Variants in ATP6V1G2 observed in about 807,000 individuals in gnomAD.
The protein encoded by ATP6V1G2 is ATPase H+ transporting V1 subunit G2.
In ATP6V1G2, 14 loss-of-function variants were observed where a neutral mutation model predicts 17.8. That is an observed-to-expected ratio of 0.79 (90% confidence interval 0.52 to 1.23). The LOEUF (loss-of-function observed/expected upper bound fraction) is 1.23. ATP6V1G2 is among the 50% of genes most tolerant of loss of function. The pLI is 0.00. For missense variants in ATP6V1G2, 112 were observed against 152.2 expected (o/e 0.74, Z 1.39); for synonymous variants, 57 against 54.8 (o/e 1.04, Z -0.17).
chr6:31,545,212 G>T lies in ATP6V1G2; in HGVS notation c.*196C>A. ...TGACTTGGAAGTTTACAAAGTCCCA[G>T]TGAGGGTTAAAGAACAACAAGGAGA... On this transcript the variant is annotated 3_prime_UTR_variant, in exon 3 of 3. Transcript: ENST00000303892. The surrounding 1 kb of genome is among the most constrained non-coding windows in gnomAD (Gnocchi z 4.9). 7.3e-6 allele frequency: 5 copies of T among 686,402 alleles called. No homozygotes were observed. The highest frequency in any genetic ancestry group is 1.2e-5 in the Non-Finnish European group (5 of 416,448). 42.5% of individuals were successfully genotyped at this position (686,402 alleles called of 1,614,324 possible). A position where few individuals can be genotyped will look rare whatever the true frequency, so the allele number is the denominator to read the frequency against.
In ATP6V1G2 at chr6:31,545,169, A is replaced by T; in HGVS notation, c.*239T>A. 1 of 585,828 alleles carries T rather than the reference A, an allele frequency of 1.7e-6. No homozygotes were observed. The highest frequency in any genetic ancestry group is 3.0e-6 in the Non-Finnish European group (1 of 337,706). 36.3% of individuals were successfully genotyped at this position (585,828 alleles called of 1,614,324 possible). On this transcript the variant is annotated 3_prime_UTR_variant, in exon 3 of 3. Transcript: ENST00000303892. The surrounding 1 kb of genome is among the most constrained non-coding windows in gnomAD (Gnocchi z 4.9). ...TACTTCCCCATATTACAAATTTCAC[A>T]GAGGGTTTAGGTGAGAATGACTTGG...
At position 31,545,942 on chromosome 6, in the gene ATP6V1G2, C is replaced by G; in HGVS notation, c.183+167G>C. Reference sequence around the variant, plus strand: ...ATGTGGCCTTCAAAACTCCCAGACTCTCCTACATATCATCACAAAGTTTCA... The same window carrying G: ...ATGTGGCCTTCAAAACTCCCAGACTGTCCTACATATCATCACAAAGTTTCA... On this transcript the variant is annotated intron_variant, in intron 2 of 2. Coordinates refer to ENST00000303892, the MANE Select transcript of ATP6V1G2 (RefSeq NM_130463.4). This position sits in a 1 kb window ranked among gnomAD's most constrained non-coding sequence, Gnocchi z 4.9. 1 of 694,532 alleles carries G rather than the reference C, an allele frequency of 1.4e-6. No homozygotes were observed. The highest frequency in any genetic ancestry group is 1.7e-5 in the South Asian group (1 of 58,928). 43.0% of individuals were successfully genotyped at this position (694,532 alleles called of 1,614,324 possible).
At chr6:31,546,645 G>C, upstream of ATP6V1G2, 8 of 1,253,486 alleles carry the variant, frequency 6.4e-6, no homozygotes, top group Non-Finnish European at 9.2e-6. This position sits in a 1 kb window ranked among gnomAD's most constrained non-coding sequence, Gnocchi z 4.1. Context: ...TCCTCCTCCA[G>C]CTCGTTGCTG....
Position 31,545,403 on chromosome 6 carries a change from T to C in ATP6V1G2, c.*5A>G. 6.2e-7 allele frequency: 1 copy of C among 1,613,228 alleles called. No individual in the cohort carries two copies. The highest frequency in any genetic ancestry group is 8.5e-7 in the Non-Finnish European group (1 of 1,179,642). On this transcript the variant is annotated 3_prime_UTR_variant, in exon 3 of 3. Coordinates refer to ENST00000303892, the MANE Select transcript of ATP6V1G2 (RefSeq NM_130463.4). This position sits in a 1 kb window ranked among gnomAD's most constrained non-coding sequence, Gnocchi z 4.9. Reference sequence around the variant, plus strand: ...TGGCAGAAGGAGTCAGGCCCTACGGTGGCCCTAGGCAGAAATCCGGTAGTT... The same window carrying C: ...TGGCAGAAGGAGTCAGGCCCTACGGCGGCCCTAGGCAGAAATCCGGTAGTT...
rs1768804686 is a variant in ATP6V1G2 at position 31,544,565 on chromosome 6, A to G, written c.*843T>C. 1 of 376,838 alleles carries G rather than the reference A, an allele frequency of 2.7e-6. No homozygotes were observed. Among genetic ancestry groups the G allele is most frequent in the Admixed American group, 3.4e-5 (1 of 29,818 alleles). The allele number at this position is 376,838 out of a possible 1,614,324, so 23.3% of individuals were successfully genotyped here. On this transcript the variant is annotated 3_prime_UTR_variant, in exon 3 of 3. Transcript: ENST00000303892. ...GAAGGGCATGCATATGAGGGAACAC[A>G]GTATCATTTTAGATCTTAGAAAGCA...
chr6:31,545,117 C>T lies in ATP6V1G2; in HGVS notation c.*291G>A. On this transcript the variant is annotated 3_prime_UTR_variant, in exon 3 of 3. Transcript: ENST00000303892. The surrounding 1 kb of genome is among the most constrained non-coding windows in gnomAD (Gnocchi z 4.9). ...GAGAGGGACCCACATCGGCCAGACA[C>T]TGAAGTCAGGATGTTTTCCACATTC... 1.9e-6 allele frequency: 1 copy of T among 529,248 alleles called. No individual in the cohort carries two copies. The highest frequency in any genetic ancestry group is 3.2e-5 in the East Asian group (1 of 31,092). The allele number at this position is 529,248 out of a possible 1,614,324, so 32.8% of individuals were successfully genotyped here.
At position 31,546,003 on chromosome 6, in the gene ATP6V1G2, T is replaced by C. The variant is rs2150355715; in HGVS notation, c.183+106A>G. 1.8e-6 allele frequency: 2 copies of C among 1,138,740 alleles called. No homozygotes were observed. The allele number at this position is 1,138,740 out of a possible 1,614,324, so 70.5% of individuals were successfully genotyped here. A position where few individuals can be genotyped will look rare whatever the true frequency, so the allele number is the denominator to read the frequency against. On this transcript the variant is annotated intron_variant, in intron 2 of 2. Transcript: ENST00000303892. This position sits in a 1 kb window ranked among gnomAD's most constrained non-coding sequence, Gnocchi z 4.1. ...GGTCCCTGCCAGGGTCCCCTCAGCC[T>C]CAGCCCTCTGCCACCATATTTTCTT...
At position 31,546,200 on chromosome 6, in the gene ATP6V1G2, C is replaced by T. The variant is rs778632528; in HGVS notation, c.92G>A (p.Arg31Gln). ...KVADARKRKA[R>Q]RLKQAKEEAQ... ...CTCCTCCTTTGCCTGCTTCAGTCGC[C>T]GGGCCTTCCCTGGAGGCAGAAGAAA... Residue 31 changes from arginine (R) to glutamine (Q), a missense_variant, in exon 2 of 3, where the codon CGG (arginine) becomes CAG (glutamine). By Grantham distance (43) the Arg-to-Gln change is conservative (BLOSUM62 1). Transcript: ENST00000303892. The surrounding 1 kb of genome is among the most constrained non-coding windows in gnomAD (Gnocchi z 4.1). 4.6e-5 allele frequency: 75 copies of T among 1,613,844 alleles called. No individual in the cohort carries two copies. Among genetic ancestry groups the T allele is most frequent in the Admixed American group, 2.7e-4 (16 of 59,982 alleles).
Position 31,545,194 on chromosome 6 carries a change from G to A in ATP6V1G2, c.*214C>T. On this transcript the variant is annotated 3_prime_UTR_variant, in exon 3 of 3. Transcript: ENST00000303892. This position sits in a 1 kb window ranked among gnomAD's most constrained non-coding sequence, Gnocchi z 4.9. ...AGAGGGTTTAGGTGAGAATGACTTG[G>A]AAGTTTACAAAGTCCCAGTGAGGGT... The A allele has an allele frequency of 4.7e-6, 3 of 636,232 alleles. No individual in the cohort carries two copies. Among genetic ancestry groups the A allele is most frequent in the Non-Finnish European group, 8.0e-6 (3 of 374,110 alleles). The allele number at this position is 636,232 out of a possible 1,614,324, so 39.4% of individuals were successfully genotyped here.
chr6:31,546,369 G>T lies in ATP6V1G2; in HGVS notation c.82+109C>A. 8.1e-7 allele frequency: 1 copy of T among 1,235,402 alleles called. No homozygotes were observed. Among genetic ancestry groups the T allele is most frequent in the Non-Finnish European group, 1.1e-6 (1 of 909,968 alleles). The allele number at this position is 1,235,402 out of a possible 1,614,324, so 76.5% of individuals were successfully genotyped here. ...TTTCTTCCCTCCTAACCAGCCTCCAGACCCTAGCTGTCTGTCTTCCCGCCA... is the reference window on the plus strand; with the variant it reads ...TTTCTTCCCTCCTAACCAGCCTCCATACCCTAGCTGTCTGTCTTCCCGCCA... On this transcript the variant is annotated intron_variant, in intron 1 of 2. Coordinates refer to ENST00000303892, the MANE Select transcript of ATP6V1G2 (RefSeq NM_130463.4). This position sits in a 1 kb window ranked among gnomAD's most constrained non-coding sequence, Gnocchi z 4.1.
Position 31,545,525 on chromosome 6 carries a change from C to G in ATP6V1G2, c.240G>C (p.Gln80His), listed in dbSNP as rs1305303754. Residue 80 changes from glutamine to histidine, a missense_variant, in exon 3 of 3, where the codon CAG becomes CAC. Coordinates refer to ENST00000303892, the MANE Select transcript of ATP6V1G2 (RefSeq NM_130463.4). This position sits in a 1 kb window ranked among gnomAD's most constrained non-coding sequence, Gnocchi z 4.9. ...SAEVEQATRR[Q>H]VQGMQSSQQR... Reference sequence around the variant, plus strand: ...GCTGGGAGCTCTGCATGCCCTGCACCTGGCGCCTTGTAGCCTGCTCCACCT... The same window carrying G: ...GCTGGGAGCTCTGCATGCCCTGCACGTGGCGCCTTGTAGCCTGCTCCACCT... 1.2e-6 allele frequency: 2 copies of G among 1,614,082 alleles called. No homozygotes were observed. Among genetic ancestry groups the G allele is most frequent in the South Asian group, 2.2e-5 (2 of 91,062 alleles).
At position 31,546,529 on chromosome 6, in the gene ATP6V1G2, G is replaced by A; in HGVS notation, c.31C>T (p.Leu11Phe). 1 of 1,614,054 alleles carries A rather than the reference G, an allele frequency of 6.2e-7. No individual in the cohort carries two copies. Among genetic ancestry groups the A allele is most frequent in the Non-Finnish European group, 8.5e-7 (1 of 1,180,014 alleles). The change falls in exon 1 of 3, where the codon CTT becomes TTT. Residue 11 changes from leucine (L) to phenylalanine (F), a missense_variant. Leu to Phe is a conservative substitution (Grantham distance 22). Coordinates refer to ENST00000303892, the MANE Select transcript of ATP6V1G2 (RefSeq NM_130463.4). This position sits in a 1 kb window ranked among gnomAD's most constrained non-coding sequence, Gnocchi z 4.1. MASQSQGIQQ[L>F]LQAEKRAAEK... ...GCTGCCCGCTTCTCAGCTTGCAGAA[G>A]CTGCTGGATACCTTGGGACTGACTG...
At position 31,545,400 on chromosome 6, in the gene ATP6V1G2, C is replaced by T. The variant is rs372676688; in HGVS notation, c.*8G>A. The T allele has an allele frequency of 1.8e-5, 29 of 1,612,590 alleles. No individual in the cohort carries two copies. Among genetic ancestry groups the T allele is most frequent in the Non-Finnish European group, 2.3e-5 (27 of 1,179,358 alleles). ...AACTGGCAGAAGGAGTCAGGCCCTA[C>T]GGTGGCCCTAGGCAGAAATCCGGTA... On this transcript the variant is annotated 3_prime_UTR_variant, in exon 3 of 3. Coordinates refer to ENST00000303892, the MANE Select transcript of ATP6V1G2 (RefSeq NM_130463.4). This position sits in a 1 kb window ranked among gnomAD's most constrained non-coding sequence, Gnocchi z 4.9.
In ATP6V1G2 at chr6:31,546,198, G is replaced by A. The variant is rs200909248; in HGVS notation, c.94C>T (p.Arg32Ter). Residue 32 changes from arginine to a stop codon, truncating the protein, a stop_gained, in exon 2 of 3, where the codon CGA becomes TGA. Transcript: ENST00000303892. LOFTEE classifies it high-confidence loss of function. This position sits in a 1 kb window ranked among gnomAD's most constrained non-coding sequence, Gnocchi z 4.1. ...GCCTCCTCCTTTGCCTGCTTCAGTC[G>A]CCGGGCCTTCCCTGGAGGCAGAAGA... ...VADARKRKAR[R>*]LKQAKEEAQM... The A allele has an allele frequency of 4.3e-6, 7 of 1,613,760 alleles. No homozygotes were observed. In the African/African-American group the frequency reaches 6.7e-5, roughly 15 times the overall value.
chr6:31,546,428 C>T lies in ATP6V1G2; in HGVS notation c.82+50G>A, dbSNP rs1768996306. 6.4e-7 allele frequency: 1 copy of T among 1,572,374 alleles called. No individual in the cohort carries two copies. The highest frequency in any genetic ancestry group is 1.4e-5 in the African/African-American group (1 of 73,846). ...TTTTCCCAAAATGTTTGCTGTCCCC[C>T]ACCCCCAATTTTCTTTCCAAACTCC... On this transcript the variant is annotated intron_variant, in intron 1 of 2. Coordinates refer to ENST00000303892, the MANE Select transcript of ATP6V1G2 (RefSeq NM_130463.4). The surrounding 1 kb of genome is among the most constrained non-coding windows in gnomAD (Gnocchi z 4.1).
Position 31,545,430 on chromosome 6 carries a change from G to A in ATP6V1G2, c.335C>T (p.Pro112Leu). The change falls in exon 3 of 3, where the codon CCC (proline) becomes CTC (leucine). Residue 112 changes from proline (P) to leucine (L), a missense_variant. Coordinates refer to ENST00000303892, the MANE Select transcript of ATP6V1G2 (RefSeq NM_130463.4). This position sits in a 1 kb window ranked among gnomAD's most constrained non-coding sequence, Gnocchi z 4.9. Reference sequence around the variant, plus strand: ...GCCCTAGGCAGAAATCCGGTAGTTGGGGTGGACCTGGGGCCTGACGTCGCA... The same window carrying A: ...GCCCTAGGCAGAAATCCGGTAGTTGAGGTGGACCTGGGGCCTGACGTCGCA... The part of the protein sequence containing the change: ...MVCDVRPQVH[P>L]NYRISA 1 of 1,613,972 alleles carries A rather than the reference G, an allele frequency of 6.2e-7. No homozygotes were observed. Among genetic ancestry groups the A allele is most frequent in the South Asian group, 1.1e-5 (1 of 91,016 alleles).
Position 31,546,013 on chromosome 6 carries a change from G to T in ATP6V1G2, c.183+96C>A. On this transcript the variant is annotated intron_variant, in intron 2 of 2. Transcript: ENST00000303892. The surrounding 1 kb of genome is among the most constrained non-coding windows in gnomAD (Gnocchi z 4.1). Reference sequence around the variant, plus strand: ...AGGGTCCCCTCAGCCTCAGCCCTCTGCCACCATATTTTCTTGTTGAGTCAC... The same window carrying T: ...AGGGTCCCCTCAGCCTCAGCCCTCTTCCACCATATTTTCTTGTTGAGTCAC... The T allele has an allele frequency of 8.0e-7, 1 of 1,247,526 alleles. No homozygotes were observed. Among genetic ancestry groups the T allele is most frequent in the Non-Finnish European group, 1.2e-6 (1 of 848,460 alleles). 77.3% of individuals were successfully genotyped at this position (1,247,526 alleles called of 1,614,324 possible). A position where few individuals can be genotyped will look rare whatever the true frequency, so the allele number is the denominator to read the frequency against.
chr6:31,545,792 A>G lies in ATP6V1G2; in HGVS notation c.184-211T>C. ...AACATGCAACTTCATCCTAAAACAG[A>G]CCGTAATATCCCCACCACCTCACCA... On this transcript the variant is annotated intron_variant, in intron 2 of 2. Transcript: ENST00000303892. The surrounding 1 kb of genome is among the most constrained non-coding windows in gnomAD (Gnocchi z 4.9). 1 of 630,394 alleles carries G rather than the reference A, an allele frequency of 1.6e-6. No individual in the cohort carries two copies. Among genetic ancestry groups the G allele is most frequent in the East Asian group, 2.7e-5 (1 of 36,548 alleles). 39.1% of individuals were successfully genotyped at this position (630,394 alleles called of 1,614,324 possible).
At position 31,545,433 on chromosome 6, in the gene ATP6V1G2, T is replaced by A. The variant is rs560994696; in HGVS notation, c.332A>T (p.His111Leu). ...GMVCDVRPQVHPNYRISA is the reference protein window; with the variant it reads ...GMVCDVRPQVLPNYRISA ...CTAGGCAGAAATCCGGTAGTTGGGG[T>A]GGACCTGGGGCCTGACGTCGCAGAC... The change falls in exon 3 of 3, where the codon CAC becomes CTC. Residue 111 changes from histidine to leucine, a missense_variant. His to Leu is a moderately conservative substitution (Grantham distance 99). Transcript: ENST00000303892. The surrounding 1 kb of genome is among the most constrained non-coding windows in gnomAD (Gnocchi z 4.9). The A allele has an allele frequency of 6.2e-7, 1 of 1,613,864 alleles. No homozygotes were observed. The highest frequency in any genetic ancestry group is 8.5e-7 in the Non-Finnish European group (1 of 1,179,954).
Sources: gnomAD v4.1 joint callset for allele counts on GRCh38, gnomAD v4.1.1 for gene constraint, Gnocchi (gnomAD v3.1) non-coding constraint, MANE v1.5 for transcripts, NCBI Gene and HGNC (gene_info 2026-07-23, HGNC 2026-07-21) for gene names.